ITGB2: variants seen among roughly 807,000 people sequenced by gnomAD.
ITGB2 encodes integrin beta-2.
In ITGB2, 56 loss-of-function variants were observed where a neutral mutation model predicts 86.8. The observed-to-expected ratio is 0.65, with a 90% confidence interval of 0.52 to 0.81. ITGB2 has a LOEUF of 0.81. ITGB2 is among the 30% of genes least tolerant of loss of function. ITGB2 has a pLI of 0.00. For synonymous variants in ITGB2, 457 were observed against 450.4 expected (o/e 1.01, Z -0.19); for missense variants, 948 against 1,061.2 (o/e 0.89, Z 1.48).
rs143284004 is a variant in ITGB2 at position 44,902,906 on chromosome 21, C to T, written c.499+459G>A. On this transcript the variant is annotated intron_variant, in intron 5 of 15. Coordinates refer to ENST00000652462, the MANE Select transcript of ITGB2 (RefSeq NM_000211.5). ...AGCCACGGCCGGCGGGGAAGACATG[C>T]GCTGTGACTGACACACACGTGTGCT... Among the ~76,000 whole-genome samples, 1,157 of 152,294 alleles carry T rather than the reference C, an allele frequency of 7.6e-3. 18 individuals carry two copies. Among genetic ancestry groups the T allele is most frequent in the African/African-American group, 0.026 (1,093 of 41,564 alleles).
intron 9 of ITGB2, chr21:44,893,943 G>A (rs1415399955): frequency 6.1e-6 from 2 of 328,842 alleles, no homozygotes; most frequent in Non-Finnish European, 1.2e-5. Context: ...CAGAGAGATG[G>A]AGAGAAACAG....
intron 14 of ITGB2, among the ~76,000 whole-genome samples, chr21:44,887,755 A>G (rs2083720168): frequency 6.6e-6 from 1 of 152,126 alleles, no homozygotes; most frequent in Non-Finnish European, 1.5e-5. Flanking sequence ...TGTCCCTCAA[A>G]GTGGCCCGCA....
chr21:44,906,627 T>C (rs113765986), intron 4 of ITGB2, among the ~76,000 whole-genome samples: 1 of 151,856 alleles, frequency 6.6e-6, no homozygotes, highest in Non-Finnish European at 1.5e-5. Context: ...TTGCAAATGG[T>C]TTGGTCTCCC....
At chr21:44,889,231 G>A in intron 13 of ITGB2, 45 bp downstream of exon 13, 2 of 1,583,278 alleles carry the variant, frequency 1.3e-6, no homozygotes, top group East Asian at 2.2e-5. Flanking sequence ...AGGTGGCCGG[G>A]GAGTGGGGAT....
intron 5 of ITGB2, 131 bp from the exon 6 acceptor site, chr21:44,901,864 T>C (rs2083964589): frequency 2.0e-6 from 2 of 984,572 alleles, no homozygotes; most frequent in Admixed American, 2.7e-5. Flanking sequence ...AGATGGCACA[T>C]GTGGAGTGTG....
chr21:44,892,733 CAAAAAA>C (rs547041931), intron 10 of ITGB2, among the ~76,000 whole-genome samples: 2 of 126,454 alleles, frequency 1.6e-5, no homozygotes, highest in East Asian at 2.2e-4. Flanking sequence ...TCACAGCTAG[CAAAAAA>C]AAAAACAAAA....
intron 1 of ITGB2, among the ~76,000 whole-genome samples, chr21:44,917,463 C>T (rs530984467): frequency 6.6e-6 from 1 of 152,218 alleles, no homozygotes; most frequent in African/African-American, 2.4e-5. Flanking sequence ...TCATGGTGGC[C>T]GACGAATTAT....
At chr21:44,909,797 T>C (rs980269764) in intron 3 of ITGB2, among the ~76,000 whole-genome samples, 3 of 152,246 alleles carry the variant, frequency 2.0e-5, no homozygotes, top group Admixed American at 2.0e-4. Context: ...TGTATCAAAA[T>C]ACATTTACAT....
At chr21:44,895,645 A>G (rs1481521655) in intron 8 of ITGB2, among the ~76,000 whole-genome samples, 1 of 152,174 alleles carries the variant, frequency 6.6e-6, no homozygotes, top group African/African-American at 2.4e-5. Flanking sequence ...GTTTGAGACC[A>G]GCCTGGCCAA....
chr21:44,912,376 C>T (rs2084147463), intron 1 of ITGB2, among the ~76,000 whole-genome samples: 1 of 152,234 alleles, frequency 6.6e-6, no homozygotes, highest in Non-Finnish European at 1.5e-5. Context: ...CTGAGGCCAA[C>T]GGAACACCCA....
rs1310169212 is a variant in ITGB2, at chr21:44,888,859, G to A, written c.1914C>T (p.Pro638=). ...ACGCCGCGCTGCAGTTCTTCCCAAAGGGGCCCTTTTCGAACTTCAGGCACT... is the reference window on the plus strand; with the variant it reads ...ACGCCGCGCTGCAGTTCTTCCCAAAAGGGCCCTTTTCGAACTTCAGGCACT... The part of the protein sequence containing the change: ...CAECLKFEKG[P]FGKNCSAACP... Residue 638 remains proline (P), a synonymous_variant, in exon 14 of 16, where the codon CCC becomes CCT. Coordinates refer to ENST00000652462, the MANE Select transcript of ITGB2 (RefSeq NM_000211.5). 1 of 1,608,812 alleles carries A rather than the reference G, an allele frequency of 6.2e-7. No homozygotes were observed. The highest frequency in any genetic ancestry group is 8.5e-7 in the Non-Finnish European group (1 of 1,179,952).
chr21:44,899,062 C>T lies in ITGB2; in HGVS notation c.993+5G>A, dbSNP rs1376836535. 1 of 1,611,396 alleles carries T rather than the reference C, an allele frequency of 6.2e-7. No homozygotes were observed. Among genetic ancestry groups the T allele is most frequent in the South Asian group, 1.1e-5 (1 of 91,016 alleles). On this transcript the variant is annotated splice_donor_5th_base_variant and intron_variant, in intron 8 of 15. Coordinates refer to ENST00000652462, the MANE Select transcript of ITGB2 (RefSeq NM_000211.5). ...AATGGATGCTCGGGACCCAACAGCA[C>T]TCACCTCGTAGGTCTTCACCATCCT...
chr21:44,888,950 C>T (rs141460751), intron 13 of ITGB2, 55 bp from the exon 14 acceptor site: 22,987 of 1,482,094 alleles, frequency 0.016, 227 homozygotes, highest in Middle Eastern at 0.046. Flanking sequence ...GCTCCGGCAA[C>T]GGGGGCTCGG....
chr21:44,891,778 A>G (rs770791952), intron 11 of ITGB2, 31 bp downstream of exon 11: 77 of 1,597,806 alleles, frequency 4.8e-5, no homozygotes, highest in Middle Eastern at 1.7e-4. Flanking sequence ...GGGCTCGGGG[A>G]TGGTTCAACA....
At chr21:44,889,808 G>A (rs2083758705) in intron 12 of ITGB2, among the ~76,000 whole-genome samples, 170 bp downstream of exon 12, 1 of 152,214 alleles carries the variant, frequency 6.6e-6, no homozygotes, top group Non-Finnish European at 1.5e-5. Context: ...AGGGCGGGGT[G>A]CAGGGCCATC....
intron 8 of ITGB2, among the ~76,000 whole-genome samples, chr21:44,898,755 G>A (rs909882529): frequency 2.0e-5 from 3 of 152,244 alleles, no homozygotes; most frequent in Non-Finnish European, 4.4e-5. Context: ...TAAAATAAGT[G>A]TGTTTCCATA....
Position 44,910,232 on chromosome 21 carries a change from G to A in ITGB2, c.147+52C>T. 3 of 1,596,194 alleles carry A rather than the reference G, an allele frequency of 1.9e-6. No homozygotes were observed. In the South Asian group the frequency reaches 3.4e-5, roughly 18 times the overall value. ...TGCCACTGGCTTCAGGGGCAGGAAAGGGCCCTCACCCAGGAGCTGGGCAGG... is the reference window on the plus strand; with the variant it reads ...TGCCACTGGCTTCAGGGGCAGGAAAAGGCCCTCACCCAGGAGCTGGGCAGG... On this transcript the variant is annotated intron_variant, in intron 3 of 15. Transcript: ENST00000652462.
chr21:44,903,669 C>T (rs1463361028), intron 4 of ITGB2, 134 bp from the exon 5 acceptor site: 3 of 1,014,606 alleles, frequency 3.0e-6, no homozygotes, highest in South Asian at 2.7e-5. Context: ...CTCCCCTCTC[C>T]CCGCCTGGCA....
chr21:44,896,384 C>A (rs1270903449), intron 8 of ITGB2, among the ~76,000 whole-genome samples: 1 of 152,228 alleles, frequency 6.6e-6, no homozygotes. Flanking sequence ...TCGGTTCTGG[C>A]CGGCCAGATG....
Sources: gnomAD v4.1 joint callset for allele counts (sites outside exome capture counted in the v4.1 genomes callset) on GRCh38, gnomAD v4.1.1 for gene constraint, MANE v1.5 for transcripts, NCBI Gene and HGNC (gene_info 2026-07-23, HGNC 2026-07-21) for gene names.